The following SRBD1 variants were observed in gnomAD, a reference collection of about 807,000 sequenced individuals.
The protein encoded by SRBD1 is S1 RNA-binding domain-containing protein 1.
Under a neutral mutation model 115.3 loss-of-function variants are expected in SRBD1, and 88 were observed. That is an observed-to-expected ratio of 0.76 (90% confidence interval 0.64 to 0.91). The LOEUF (loss-of-function observed/expected upper bound fraction) is 0.91, where lower values mean the gene tolerates loss of function less well. SRBD1 is among the 40% of genes least tolerant of loss of function. The probability of loss-of-function intolerance (pLI) is 0.00; values close to 1 mark genes in which losing one functional copy is unlikely to be tolerated. For synonymous variants in SRBD1, 509 were observed against 407.7 expected (o/e 1.25, Z -2.99); for missense variants, 1,385 against 1,177.4 (o/e 1.18, Z -2.58).
At chr2:45,571,763 G>C (rs1673026350) in intron 9 of SRBD1, among the ~76,000 whole-genome samples, 1 of 152,074 alleles carries the variant, frequency 6.6e-6, no homozygotes, top group African/African-American at 2.4e-5. Flanking sequence ...AAATGTGCCA[G>C]GGGTTCAACA....
At chr2:45,524,350 GGAA>G (rs1318474106) in intron 14 of SRBD1, among the ~76,000 whole-genome samples, 2 of 151,996 alleles carry the variant, frequency 1.3e-5, no homozygotes, top group African/African-American at 4.8e-5. Flanking sequence ...ATAGTAGAAA[GGAA>G]GAAGATGATC....
chr2:45,404,150 C>A (rs1667364101), intron 19 of SRBD1, among the ~76,000 whole-genome samples: 1 of 151,936 alleles, frequency 6.6e-6, no homozygotes, highest in Non-Finnish European at 1.5e-5. Context: ...CTCGTCAGAT[C>A]AAAGATGATT....
chr2:45,582,623 T>C (rs1673400161), intron 5 of SRBD1, among the ~76,000 whole-genome samples: 1 of 152,204 alleles, frequency 6.6e-6, no homozygotes, highest in Admixed American at 6.5e-5. Flanking sequence ...TCCATTGCTA[T>C]CATTTATCTT....
intron 14 of SRBD1, among the ~76,000 whole-genome samples, chr2:45,534,383 G>A (rs996487040): frequency 6.6e-6 from 1 of 151,834 alleles, no homozygotes; most frequent in Admixed American, 6.6e-5. Context: ...AGAGCCCAGT[G>A]TTCATAATAG....
At chr2:45,400,043 T>C (rs539360284) in intron 19 of SRBD1, among the ~76,000 whole-genome samples, 277 of 152,296 alleles carry the variant, frequency 1.8e-3, no homozygotes, top group African/African-American at 6.4e-3. Flanking sequence ...AACAGCCTTT[T>C]TACTATAAAT....
intron 14 of SRBD1, among the ~76,000 whole-genome samples, chr2:45,517,871 C>G (rs576590244): frequency 1.3e-5 from 2 of 151,812 alleles, no homozygotes; most frequent in Admixed American, 1.3e-4. Context: ...TCTGGCAGCA[C>G]GTGCCTGTAC....
chr2:45,486,249 A>C (rs1670115406), intron 15 of SRBD1, among the ~76,000 whole-genome samples: 1 of 152,200 alleles, frequency 6.6e-6, no homozygotes, highest in African/African-American at 2.4e-5. Context: ...CCTCTCAGAA[A>C]ATATGGTCTA....
At chr2:45,448,669 T>C (rs114871513) in intron 16 of SRBD1, among the ~76,000 whole-genome samples, 184 of 152,316 alleles carry the variant, frequency 1.2e-3, no homozygotes, top group African/African-American at 4.2e-3. Flanking sequence ...GCTAGTGGAA[T>C]AGACCTGCAG....
At chr2:45,502,192 C>A (rs1222225779) in intron 14 of SRBD1, among the ~76,000 whole-genome samples, 1 of 152,176 alleles carries the variant, frequency 6.6e-6, no homozygotes, top group Non-Finnish European at 1.5e-5. Flanking sequence ...CTGGAGTGGA[C>A]CTCCAGCAAA....
At chr2:45,546,701 C>G in intron 14 of SRBD1, 31 bp downstream of exon 14, 1 of 1,603,204 alleles carries the variant, frequency 6.2e-7, no homozygotes, top group Non-Finnish European at 8.5e-7. Flanking sequence ...CCATGCTTCT[C>G]CAAGAAAAGA....
rs1275584705 is a variant in SRBD1, at chr2:45,586,898, T to A, written c.649-1124A>T. Among the ~76,000 whole-genome samples the A allele has an allele frequency of 4.3e-5, 3 of 70,176 alleles. No individual in the cohort carries two copies. In the East Asian group the frequency reaches 7.8e-4, roughly 18 times the overall value. The allele number at this position is 70,176 out of a possible 152,430, so 46.0% of individuals were successfully genotyped here. Reference sequence around the variant, plus strand: ...TTAAAATATTATTTATTTAAAATCATTGGTATTTTAAATATTTAATTATTT... The same window carrying A: ...TTAAAATATTATTTATTTAAAATCAATGGTATTTTAAATATTTAATTATTT... On this transcript the variant is annotated intron_variant, in intron 4 of 20. Transcript: ENST00000263736.
At chr2:45,481,315 G>T (rs1469669982) in intron 15 of SRBD1, among the ~76,000 whole-genome samples, 1 of 152,044 alleles carries the variant, frequency 6.6e-6, no homozygotes, top group Non-Finnish European at 1.5e-5. Context: ...GTTATTTAGT[G>T]GACAGTAATA....
chr2:45,597,373 T>C (rs1267633032), intron 4 of SRBD1, among the ~76,000 whole-genome samples: 3 of 149,534 alleles, frequency 2.0e-5, no homozygotes, highest in African/African-American at 7.4e-5. Context: ...TGAGCCAAGA[T>C]CGCGCCACTG....
Position 45,505,801 on chromosome 2 carries a change from C to T in SRBD1, c.1875-17470G>A, listed in dbSNP as rs185753047. On this transcript the variant is annotated intron_variant, in intron 14 of 20. Transcript: ENST00000263736. ...GACCCAAAGAGTTAAATAATCAGAC[C>T]AAAATAATCTAAAACCATGACTTAG... Among the ~76,000 whole-genome samples, 181 of 149,570 alleles carry T rather than the reference C, an allele frequency of 1.2e-3. 2 individuals are homozygous for T. Among genetic ancestry groups the T allele is most frequent in the Middle Eastern group, 3.5e-3 (1 of 284 alleles).
intron 10 of SRBD1, among the ~76,000 whole-genome samples, chr2:45,558,569 T>A (rs17033871): frequency 0.041 from 6,174 of 152,242 alleles, 226 homozygotes; most frequent in East Asian, 0.15. Flanking sequence ...GCTAATTAAC[T>A]TATGTAATGA....
chr2:45,551,161 T>G lies in SRBD1; in HGVS notation c.1639A>C (p.Lys547Gln). 1 of 1,602,668 alleles carries G rather than the reference T, an allele frequency of 6.2e-7. No individual in the cohort carries two copies. The highest frequency in any genetic ancestry group is 8.5e-7 in the Non-Finnish European group (1 of 1,177,546). ...RTLMGVDPGY[K>Q]HGCKLAIISP... ...ATTATAGCTAATTTGCAACCATGTT[T>G]ATAACCAGGATCCACTCCCATTAAG... is the stretch of plus-strand genomic sequence containing the variant. The change falls in exon 12 of 21, where the codon AAA (lysine) becomes CAA (glutamine). Residue 547 changes from lysine (K) to glutamine (Q), a missense_variant. By Grantham distance (53) the Lys-to-Gln change is moderately conservative. Coordinates refer to ENST00000263736, the MANE Select transcript of SRBD1 (RefSeq NM_018079.5).
intron 16 of SRBD1, among the ~76,000 whole-genome samples, chr2:45,464,946 C>T (rs1669435685): frequency 6.6e-6 from 1 of 151,628 alleles, no homozygotes; most frequent in Admixed American, 6.6e-5. Flanking sequence ...TAACTATTCT[C>T]AATTAATTGA....
At chr2:45,480,230 T>C (rs1669919696) in intron 15 of SRBD1, among the ~76,000 whole-genome samples, 2 of 152,234 alleles carry the variant, frequency 1.3e-5, no homozygotes, top group African/African-American at 2.4e-5. Flanking sequence ...GGAGTAATTT[T>C]GACTTTCAAG....
At chr2:45,449,388 A>AT (rs1668924397) in intron 16 of SRBD1, among the ~76,000 whole-genome samples, 1 of 152,220 alleles carries the variant, frequency 6.6e-6, no homozygotes, top group South Asian at 2.1e-4. Context: ...TAAATGTCAT[A>AT]TTAAGATTCT....
Sources: allele counts gnomAD v4.1 joint callset (sites outside exome capture counted in the v4.1 genomes callset), GRCh38; gene constraint gnomAD v4.1.1; transcripts MANE v1.5; gene names NCBI Gene and HGNC (gene_info 2026-07-23, HGNC 2026-07-21).